Variants in CC2D2A observed in about 807,000 individuals in gnomAD.
CC2D2A encodes coiled-coil and C2 domain containing 2A.
In CC2D2A, 155 loss-of-function variants were observed where a neutral mutation model predicts 212.9. That is an observed-to-expected ratio of 0.73 (90% CI 0.64 to 0.83). The LOEUF (loss-of-function observed/expected upper bound fraction) is 0.83. Among genes scored for constraint, CC2D2A ranks in the 40% least tolerant of loss-of-function variants. The pLI is 0.00. For synonymous variants in CC2D2A, 667 were observed against 686.5 expected (o/e 0.97, Z 0.44); for missense variants, 1,856 against 1,956.2 (o/e 0.95, Z 0.97).
intron 10 of CC2D2A, 50 bp downstream of exon 10, chr4:15,516,054 A>G (rs1716853315): frequency 6.8e-7 from 1 of 1,465,750 alleles, no homozygotes; most frequent in South Asian, 1.5e-5. Context: ...CACTAGACAT[A>G]GCTTTTATTT....
At chr4:15,583,956 A>AC (rs1225930826) in intron 30 of CC2D2A, among the ~76,000 whole-genome samples, 1 of 149,778 alleles carries the variant, frequency 6.7e-6, no homozygotes. Context: ...ATCTCAAAAA[A>AC]AAAAAAAAGA....
At chr4:15,598,566 A>G (rs773852202) in intron 35 of CC2D2A, among the ~76,000 whole-genome samples, 6 of 152,230 alleles carry the variant, frequency 3.9e-5, no homozygotes, top group Non-Finnish European at 7.3e-5. Flanking sequence ...ATAATGGCCC[A>G]ATAAATAGTA....
rs863225173 is a variant in CC2D2A, at chr4:15,563,474, T to C, written c.3134T>C (p.Val1045Ala). The change falls in exon 24 of 37, where the codon GTG becomes GCG. Residue 1045 changes from valine (V) to alanine (A), a missense_variant. Transcript: ENST00000424120. ...TCTGATGGAGACATAAAGCTGCTGG[T>C]GAACATTGTGCGAGCTTACGACATT... is the stretch of plus-strand genomic sequence containing the variant. Reference protein sequence around the residue: ...NLSDGDIKLLVNIVRAYDIPV... With the variant: ...NLSDGDIKLLANIVRAYDIPV... 1.6e-5 allele frequency: 26 copies of C among 1,612,302 alleles called. No homozygotes were observed. Among genetic ancestry groups the C allele is most frequent in the Non-Finnish European group, 2.1e-5 (25 of 1,179,362 alleles).
intron 32 of CC2D2A, among the ~76,000 whole-genome samples, chr4:15,588,915 A>C (rs1250593557): frequency 6.6e-6 from 1 of 151,780 alleles, no homozygotes; most frequent in African/African-American, 2.4e-5. Context: ...TTAAATAAAT[A>C]ATAAAAAAAT....
chr4:15,511,278 C>T lies in CC2D2A; in HGVS notation c.572C>T (p.Ala191Val), dbSNP rs372575726. The T allele has an allele frequency of 6.3e-7, 1 of 1,599,350 alleles. No homozygotes were observed. The highest frequency in any genetic ancestry group is 1.3e-5 in the African/African-American group (1 of 74,152). ...VPPGFPSAEE[A>V]YNFFTFNFDP... ...CCTGGCTTCCCTTCTGCAGAAGAGG[C>T]CTATAACTTCTTTACTTTCAACTTT... The change falls in exon 8 of 37, where the codon GCC (alanine) becomes GTC (valine). Residue 191 changes from alanine (A) to valine (V), a missense_variant. Ala to Val is a moderately conservative substitution (Grantham distance 64). Coordinates refer to ENST00000424120, the MANE Select transcript of CC2D2A (RefSeq NM_001378615.1).
At chr4:15,505,758 C>A (rs1427683457) in intron 6 of CC2D2A, among the ~76,000 whole-genome samples, 1 of 152,156 alleles carries the variant, frequency 6.6e-6, no homozygotes, top group Non-Finnish European at 1.5e-5. Flanking sequence ...ACTTGTACTT[C>A]AAAGGAAACC....
chr4:15,558,057 G>A (rs1056384179), intron 21 of CC2D2A, among the ~76,000 whole-genome samples: 16 of 152,134 alleles, frequency 1.1e-4, no homozygotes, highest in Non-Finnish European at 2.4e-4. Context: ...AGGGCAGATC[G>A]CACCTCCAGG....
At chr4:15,533,133 T>C in intron 13 of CC2D2A, 60 bp from the exon 14 acceptor site, 1 of 1,405,050 alleles carries the variant, frequency 7.1e-7, no homozygotes, top group South Asian at 1.4e-5. Flanking sequence ...GCATTATTAA[T>C]TTCTTTTGCA....
chr4:15,514,702 T>C lies in CC2D2A; in HGVS notation c.718-5T>C, dbSNP rs1004108988. 1 of 1,512,780 alleles carries C rather than the reference T, an allele frequency of 6.6e-7. No homozygotes were observed. 93.7% of individuals were successfully genotyped at this position (1,512,780 alleles called of 1,614,324 possible). ...TTTTTCTTGTTACTTTTTAACATTA[T>C]GCAGGATGAGGAAGAACTGCTTAAT... On this transcript the variant is annotated splice_polypyrimidine_tract_variant and splice_region_variant and intron_variant, in intron 8 of 36. Coordinates refer to ENST00000424120, the MANE Select transcript of CC2D2A (RefSeq NM_001378615.1).
chr4:15,580,037 T>C lies in CC2D2A; in HGVS notation c.3841T>C (p.Phe1281Leu), dbSNP rs1560192615. 6.2e-7 allele frequency: 1 copy of C among 1,613,988 alleles called. No individual in the cohort carries two copies. Among genetic ancestry groups the C allele is most frequent in the Non-Finnish European group, 8.5e-7 (1 of 1,179,874 alleles). The part of the protein sequence containing the change: ...EKFQAECALK[F>L]PNRQCLTTVI... ...GTTTCAAGCTGAATGTGCCTTAAAGTTTCCAAATCGTCAGTGCCTTACAAC... is the reference window on the plus strand; with the variant it reads ...GTTTCAAGCTGAATGTGCCTTAAAGCTTCCAAATCGTCAGTGCCTTACAAC... The change falls in exon 30 of 37, where the codon TTT (phenylalanine) becomes CTT (leucine). Residue 1281 changes from phenylalanine to leucine, a missense_variant. By Grantham distance (22) the Phe-to-Leu change is conservative. Coordinates refer to ENST00000424120, the MANE Select transcript of CC2D2A (RefSeq NM_001378615.1).
intron 34 of CC2D2A, among the ~76,000 whole-genome samples, chr4:15,597,090 TC>T (rs1436991719): frequency 6.6e-6 from 1 of 152,202 alleles, no homozygotes; most frequent in African/African-American, 2.4e-5. Flanking sequence ...GAATTTTTTT[TC>T]ATAGCCAAAT....
At chr4:15,480,273 A>T (rs1013693950) in intron 3 of CC2D2A, among the ~76,000 whole-genome samples, 5 of 152,116 alleles carry the variant, frequency 3.3e-5, no homozygotes, top group African/African-American at 7.2e-5. Flanking sequence ...CTTCACTGAG[A>T]GTGTGGGGAA....
intron 4 of CC2D2A, among the ~76,000 whole-genome samples, chr4:15,501,455 G>A (rs1480727202): frequency 6.6e-6 from 1 of 151,844 alleles, no homozygotes; most frequent in Non-Finnish European, 1.5e-5. Flanking sequence ...CATTCTTCAC[G>A]ACATCCACAC....
chr4:15,498,743 T>C (rs1437007095), intron 4 of CC2D2A, among the ~76,000 whole-genome samples: 2 of 152,262 alleles, frequency 1.3e-5, no homozygotes, highest in Admixed American at 6.5e-5. Context: ...ACCTTTGGCT[T>C]CCATGGATGC....
rs1212761897 is a variant in CC2D2A at position 15,555,126 on chromosome 4, C to T, written c.2541C>T (p.Asp847=). The T allele has an allele frequency of 6.2e-7, 1 of 1,613,662 alleles. No homozygotes were observed. Among genetic ancestry groups the T allele is most frequent in the Non-Finnish European group, 8.5e-7 (1 of 1,179,836 alleles). ...ISSIGTSGLT[D]MKKLAKWAAE... is the part of the protein sequence containing the mutation. ...CTATTGGCACATCAGGACTGACAGA[C>T]ATGAAAAAATTGGCCAAGTGGGCAG... The change falls in exon 20 of 37, where the codon GAC becomes GAT. Residue 847 remains aspartate, a synonymous_variant. Transcript: ENST00000424120.
At chr4:15,538,423 T>C (rs541784242) in intron 16 of CC2D2A, among the ~76,000 whole-genome samples, 1 of 152,334 alleles carries the variant, frequency 6.6e-6, no homozygotes, top group African/African-American at 2.4e-5. Flanking sequence ...GTTGCAAATC[T>C]CTGCCTGCTC....
At chr4:15,560,340 G>A (rs555422983) in intron 22 of CC2D2A, among the ~76,000 whole-genome samples, 191 bp from the exon 23 acceptor site, 275 of 152,244 alleles carry the variant, frequency 1.8e-3, no homozygotes, top group African/African-American at 6.5e-3. Flanking sequence ...TGACTTTAGG[G>A]AGCTTACAGT....
At chr4:15,598,139 AAAC>A (rs1245796085) in intron 35 of CC2D2A, among the ~76,000 whole-genome samples, 1 of 152,034 alleles carries the variant, frequency 6.6e-6, no homozygotes, top group African/African-American at 2.4e-5. Flanking sequence ...ACTAATCTCC[AAAC>A]AACCTTTTTG....
intron 30 of CC2D2A, among the ~76,000 whole-genome samples, chr4:15,585,591 A>G (rs903203881): frequency 3.3e-5 from 5 of 152,232 alleles, no homozygotes; most frequent in African/African-American, 1.2e-4. Context: ...AATACAGTTA[A>G]TAATAATGTA....
Sources: gnomAD v4.1 joint callset for allele counts (sites outside exome capture counted in the v4.1 genomes callset) on GRCh38, gnomAD v4.1.1 for gene constraint, MANE v1.5 for transcripts, NCBI Gene and HGNC (gene_info 2026-07-23, HGNC 2026-07-21) for gene names.